The following VPS13B variants were observed in gnomAD, a reference collection of about 807,000 sequenced individuals.
VPS13B encodes the protein vacuolar protein sorting 13 homolog B.
A neutral mutation model predicts 426.4 loss-of-function variants in VPS13B; 285 were observed. The observed-to-expected ratio is 0.67, with a 90% confidence interval of 0.61 to 0.74. VPS13B has a LOEUF of 0.74. Ranked by LOEUF, VPS13B falls within the 30% of genes least tolerant of loss-of-function variation. The pLI is 0.00. For missense variants in VPS13B, 4,537 were observed against 4,782.6 expected (o/e 0.95, Z 1.51); for synonymous variants, 1,676 against 1,676.4 (o/e 1.00, Z 0.01).
rs553750417 is a variant in VPS13B, at chr8:99,285,929, G to C, written c.2824+10675G>C. Among the ~76,000 whole-genome samples, 35 of 152,252 alleles carry C rather than the reference G, an allele frequency of 2.3e-4. 1 individual carries two copies. The highest frequency in any genetic ancestry group is 3.4e-3 in the Middle Eastern group (1 of 294). ...TTGTTTTGTAAATAAGTGAGACTCA[G>C]TTGTCTGTTAATGTGTGAGAGTTTA... is the stretch of plus-strand genomic sequence containing the variant. On this transcript the variant is annotated intron_variant, in intron 19 of 61. Transcript: ENST00000357162.
intron 19 of VPS13B, among the ~76,000 whole-genome samples, chr8:99,375,347 G>A (rs1196314829): frequency 1.3e-5 from 2 of 152,072 alleles, no homozygotes; most frequent in Non-Finnish European, 2.9e-5. Context: ...ATTCCCTTAG[G>A]AACTCTGCTC....
chr8:99,081,080 T>C, intron 3 of VPS13B, among the ~76,000 whole-genome samples: 1 of 152,220 alleles, frequency 6.6e-6, no homozygotes, highest in Non-Finnish European at 1.5e-5. Context: ...TCATGTTAAA[T>C]TCTAGGCAGT....
chr8:99,165,908 T>C (rs1290443699), intron 15 of VPS13B, among the ~76,000 whole-genome samples: 2 of 152,218 alleles, frequency 1.3e-5, no homozygotes, highest in South Asian at 2.1e-4. Context: ...ATTTTACAAA[T>C]GTTGAGTTTA....
intron 35 of VPS13B, among the ~76,000 whole-genome samples, chr8:99,686,654 G>C (rs552599157): frequency 3.9e-5 from 6 of 151,956 alleles, no homozygotes; most frequent in Non-Finnish European, 8.8e-5. Context: ...GGCCTGCAGC[G>C]AGTGCTACGT....
intron 17 of VPS13B, among the ~76,000 whole-genome samples, chr8:99,268,743 T>G (rs543791740): frequency 3.3e-5 from 5 of 152,090 alleles, no homozygotes; most frequent in Non-Finnish European, 7.4e-5. Flanking sequence ...AGTTAAGACT[T>G]TGGGGGAGTT....
At chr8:99,540,828 G>A (rs756701239) in intron 30 of VPS13B, among the ~76,000 whole-genome samples, 4 of 151,994 alleles carry the variant, frequency 2.6e-5, no homozygotes, top group East Asian at 1.9e-4. Context: ...TTGTGGTTTC[G>A]AGGCCCTATT....
intron 21 of VPS13B, chr8:99,424,413 A>AACCACTCAAC (rs1332898232): frequency 1.3e-5 from 2 of 152,160 alleles, no homozygotes; most frequent in African/African-American, 4.8e-5. Flanking sequence ...ACTCACTCAA[A>AACCACTCAAC]ACCACTCAAC....
intron 19 of VPS13B, among the ~76,000 whole-genome samples, chr8:99,353,602 CA>C (rs200551748): frequency 0.12 from 12,599 of 108,666 alleles, 785 homozygotes; most frequent in African/African-American, 0.24. Context: ...AGACTTCTTT[CA>C]AAAAAAAAAA....
intron 24 of VPS13B, among the ~76,000 whole-genome samples, chr8:99,470,028 C>T (rs555212072): frequency 3.7e-4 from 57 of 152,168 alleles, no homozygotes; most frequent in Non-Finnish European, 7.6e-4. Context: ...CATGGCCCTA[C>T]TGATACCTTG....
At chr8:99,584,180 ATCT>A (rs761541433) in intron 33 of VPS13B, among the ~76,000 whole-genome samples, 45 of 152,172 alleles carry the variant, frequency 3.0e-4, no homozygotes, top group Non-Finnish European at 5.3e-4. Flanking sequence ...TTTACTGCCT[ATCT>A]TCTCCAAGGG....
intron 17 of VPS13B, among the ~76,000 whole-genome samples, chr8:99,268,157 C>T (rs914523002): frequency 1.3e-5 from 2 of 152,178 alleles, no homozygotes; most frequent in Non-Finnish European, 2.9e-5. Flanking sequence ...GTGGAAATGC[C>T]TGGATGTCGA....
rs899783115 is a variant in VPS13B, at chr8:99,063,261, C to T, written c.291+24695C>T. ...CCACAGAGGGCAAGCCGAAGCAGGGCGGGGCGTCGCCTCACCCGGGAAGTG... is the reference window on the plus strand; with the variant it reads ...CCACAGAGGGCAAGCCGAAGCAGGGTGGGGCGTCGCCTCACCCGGGAAGTG... On this transcript the variant is annotated intron_variant, in intron 3 of 61. Transcript: ENST00000357162. Among the ~76,000 whole-genome samples the T allele has an allele frequency of 4.6e-5, 7 of 152,316 alleles. No individual in the cohort carries two copies. In the South Asian group the frequency reaches 6.2e-4, roughly 14 times the overall value.
intron 54 of VPS13B, among the ~76,000 whole-genome samples, chr8:99,836,523 C>T (rs766976854): frequency 6.8e-6 from 1 of 147,152 alleles, no homozygotes; most frequent in African/African-American, 2.5e-5. Flanking sequence ...ATAAAATATT[C>T]ATCATTTTGT....
chr8:99,481,984 A>G (rs917079880), intron 25 of VPS13B, among the ~76,000 whole-genome samples, 182 bp downstream of exon 25: 1 of 152,146 alleles, frequency 6.6e-6, no homozygotes, highest in Non-Finnish European at 1.5e-5. Context: ...TCTGTTTTTA[A>G]TCACTTTTAG....
intron 2 of VPS13B, among the ~76,000 whole-genome samples, chr8:99,036,948 A>G (rs1482964640): frequency 6.6e-6 from 1 of 152,116 alleles, no homozygotes; most frequent in African/African-American, 2.4e-5. Context: ...GCTCTCCTAG[A>G]TGACTCGTTT....
chr8:99,768,966 G>GT (rs1811357474), intron 40 of VPS13B, among the ~76,000 whole-genome samples: 1 of 152,146 alleles, frequency 6.6e-6, no homozygotes, highest in Non-Finnish European at 1.5e-5. Flanking sequence ...TAATTATGAA[G>GT]TAATACATTT....
chr8:99,025,945 CA>C (rs1407339605), intron 2 of VPS13B, among the ~76,000 whole-genome samples: 1 of 151,974 alleles, frequency 6.6e-6, no homozygotes, highest in East Asian at 1.9e-4. Context: ...TTTATCTTTT[CA>C]AAAAACCAGC....
chr8:99,378,007 A>C (rs1416719454), intron 19 of VPS13B, among the ~76,000 whole-genome samples: 1 of 152,096 alleles, frequency 6.6e-6, no homozygotes, highest in Non-Finnish European at 1.5e-5. Context: ...AACCAGTCTG[A>C]CTAGAATTCG....
intron 23 of VPS13B, among the ~76,000 whole-genome samples, chr8:99,447,604 G>A (rs183035684): frequency 7.2e-5 from 11 of 152,156 alleles, no homozygotes; most frequent in Middle Eastern, 3.4e-3. Flanking sequence ...CTGTGTTTCT[G>A]GTTTCCCTCA....
Sources: gnomAD v4.1 joint callset for allele counts (sites outside exome capture counted in the v4.1 genomes callset) on GRCh38, gnomAD v4.1.1 for gene constraint, MANE v1.5 for transcripts, NCBI Gene and HGNC (gene_info 2026-07-23, HGNC 2026-07-21) for gene names.